The following INPP5E variants were observed in gnomAD, a reference collection of about 807,000 sequenced individuals.
INPP5E encodes the protein phosphatidylinositol polyphosphate 5-phosphatase type IV.
A neutral mutation model predicts 50.5 loss-of-function variants in INPP5E; 34 were observed. The observed-to-expected ratio is 0.67, with a 90% CI of 0.51 to 0.90. The LOEUF is 0.90. Among genes scored for constraint, INPP5E ranks in the 40% least tolerant of loss-of-function variants. The probability of loss-of-function intolerance (pLI) is 0.00; values close to 1 mark genes in which losing one functional copy is unlikely to be tolerated. For missense variants in INPP5E, 942 were observed against 905.5 expected, an observed-to-expected ratio of 1.04 and a Z score of -0.52; for synonymous variants, 447 against 406.0, an observed-to-expected ratio of 1.10 and a Z score of -1.21.
chr9:136,430,409 C>T lies in INPP5E; in HGVS notation c.1670G>A (p.Arg557His), dbSNP rs992814593. The change falls in exon 9 of 10, where the codon CGC becomes CAC. Residue 557 changes from arginine (R) to histidine (H), a missense_variant. Coordinates refer to ENST00000371712, the MANE Select transcript of INPP5E (RefSeq NM_019892.6). ...SKQRTPSYTD[R>H]VLYRSRHKGD... Reference sequence around the variant, plus strand: ...CTTGTGGCGGCTTCTGTACAAGACGCGGTCCTTTGGGAAGATTGCAGAGGC... The same window carrying T: ...CTTGTGGCGGCTTCTGTACAAGACGTGGTCCTTTGGGAAGATTGCAGAGGC... 21 of 1,555,438 alleles carry T rather than the reference C, an allele frequency of 1.4e-5. No individual in the cohort carries two copies. Among genetic ancestry groups the T allele is most frequent in the Non-Finnish European group, 1.7e-5 (20 of 1,148,774 alleles).
rs1332623576 is a variant in INPP5E, at chr9:136,439,375, CG to C, written c.44del (p.Pro15ArgfsTer119). ...AENLRPSEPA[P>X]QPPEGRTLQG... The stretch of plus-strand genomic sequence containing the variant: ...GGAGCGTCCTCCCTTCCGGCGGCTG[CG>C]GGGCCGGCTCGGAGGGCCGCAGATT... On this transcript the variant is annotated frameshift_variant, in exon 1 of 10. Transcript: ENST00000371712. LOFTEE classifies it high-confidence loss of function. 4 of 1,457,668 alleles carry C rather than the reference CG, an allele frequency of 2.7e-6. No individual in the cohort carries two copies. The highest frequency in any genetic ancestry group is 2.7e-6 in the Non-Finnish European group (3 of 1,111,128). The allele number at this position is 1,457,668 out of a possible 1,614,324, so 90.3% of individuals were successfully genotyped here.
intron 6 of INPP5E, 62 bp from the exon 7 acceptor site, chr9:136,432,047 CAG>C (rs1464982980): frequency 6.9e-6 from 11 of 1,600,984 alleles, no homozygotes; most frequent in Non-Finnish European, 8.5e-6. Context: ...TCCCCTTCCC[CAG>C]AACATGGCCT....
chr9:136,438,796 T>G lies in INPP5E; in HGVS notation c.624A>C (p.Thr208=), dbSNP rs374855241. ...SLDIASDSLR[T]ANKVDSDLAD... is the part of the protein sequence containing the mutation. ...CAAGATCCGAGTCGACCTTGTTTGC[T>G]GTCCTCAGGGAGTCGGAGGCGATGT... The change falls in exon 1 of 10, where the codon ACA becomes ACC. Residue 208 remains threonine, a synonymous_variant. Coordinates refer to ENST00000371712, the MANE Select transcript of INPP5E (RefSeq NM_019892.6). 6 of 1,612,080 alleles carry G rather than the reference T, an allele frequency of 3.7e-6. No individual in the cohort carries two copies. Among genetic ancestry groups the G allele is most frequent in the Admixed American group, 1.7e-5 (1 of 59,958 alleles).
At chr9:136,433,739 G>A (rs952995098) in intron 3 of INPP5E, among the ~76,000 whole-genome samples, 1 of 152,234 alleles carries the variant, frequency 6.6e-6, no homozygotes, top group East Asian at 1.9e-4. Flanking sequence ...TAAACTCTCC[G>A]AGTTGCCACT....
intron 2 of INPP5E, 21 bp downstream of exon 2, chr9:136,434,719 G>A: frequency 9.4e-7 from 1 of 1,059,380 alleles, no homozygotes; most frequent in Non-Finnish European, 1.4e-6. Context: ...TCCCCGCCCA[G>A]CACCACCCAC....
chr9:136,434,150 A>T lies in INPP5E; in HGVS notation c.937-16T>A. The T allele has an allele frequency of 6.3e-7, 1 of 1,587,622 alleles. No individual in the cohort carries two copies. Among genetic ancestry groups the T allele is most frequent in the Non-Finnish European group, 8.6e-7 (1 of 1,166,300 alleles). ...GCGGGAGCTCCTGGAAGGAGGGAGC[A>T]TGTGGTGGGCCGGCTCCTCCCGAAA... On this transcript the variant is annotated splice_polypyrimidine_tract_variant and intron_variant, in intron 2 of 9. Transcript: ENST00000371712.
chr9:136,433,691 G>A (rs368086799), intron 3 of INPP5E, among the ~76,000 whole-genome samples: 2 of 152,224 alleles, frequency 1.3e-5, no homozygotes, highest in Non-Finnish European at 2.9e-5. Context: ...ACTCTCGCAC[G>A]CCAACAGTTT....
chr9:136,430,013 G>A (rs780279027), intron 9 of INPP5E, among the ~76,000 whole-genome samples: 1 of 152,206 alleles, frequency 6.6e-6, no homozygotes, highest in Admixed American at 6.5e-5. Flanking sequence ...AGGACAGGGC[G>A]GATGCCTGAG....
At position 136,429,207 on chromosome 9, in the gene INPP5E, G is replaced by C. The variant is rs1026832806; in HGVS notation, c.*468C>G. The C allele has an allele frequency of 7.5e-6, 2 of 265,244 alleles. No homozygotes were observed. The highest frequency in any genetic ancestry group is 1.5e-5 in the Non-Finnish European group (2 of 132,848). 16.4% of individuals were successfully genotyped at this position (265,244 alleles called of 1,614,324 possible). On this transcript the variant is annotated 3_prime_UTR_variant, in exon 10 of 10. Transcript: ENST00000371712. ...CCTAGCCCAGATCCAGCCTTGCTCT[G>C]GATACCCGTGTGACATGGGGTGGTG...
In INPP5E at chr9:136,438,839, G is replaced by T; in HGVS notation, c.581C>A (p.Pro194Gln). 1.2e-6 allele frequency: 2 copies of T among 1,608,330 alleles called. No individual in the cohort carries two copies. Among genetic ancestry groups the T allele is most frequent in the Non-Finnish European group, 1.7e-6 (2 of 1,177,948 alleles). ...GGCGATGTCCAGGCTCAGGGCAGGC[G>T]GTGGGCGCGGGGGCAGCAGGCTGGG... The part of the protein sequence containing the change: ...RLPSLLPPRP[P>Q]PALSLDIASD... Residue 194 changes from proline (P) to glutamine (Q), a missense_variant, in exon 1 of 10, where the codon CCG (proline) becomes CAG (glutamine). Coordinates refer to ENST00000371712, the MANE Select transcript of INPP5E (RefSeq NM_019892.6).
rs1835749630 is a variant in INPP5E, at chr9:136,433,121, T to TTCCAGCCGTGCCCACCCC, written c.1159+33_1159+34insGGGGTGGGCACGGCTGGA. On this transcript the variant is annotated intron_variant, in intron 4 of 9. Transcript: ENST00000371712. ...AGCTCACCTGTGGGACGCTGCCACCTTCCAGCCGCGCCCACCCCTCCAGCC... is the reference window on the plus strand; with the variant it reads ...AGCTCACCTGTGGGACGCTGCCACCTTCCAGCCGTGCCCACCCCTCCAGCCGCGCCCACCCCTCCAGCC... 2.9e-6 allele frequency: 4 copies of TTCCAGCCGTGCCCACCCC among 1,357,716 alleles called. No individual in the cohort carries two copies. In the Admixed American group the frequency reaches 8.3e-5, roughly 28 times the overall value. 84.1% of individuals were successfully genotyped at this position (1,357,716 alleles called of 1,614,324 possible).
intron 2 of INPP5E, 37 bp from the exon 3 acceptor site, chr9:136,434,171 C>T (rs771295679): frequency 1.7e-5 from 25 of 1,479,378 alleles, no homozygotes; most frequent in Non-Finnish European, 2.1e-5. Context: ...CGGCTCCTCC[C>T]GAAACCTGCA....
At chr9:136,433,118 A>AC in intron 4 of INPP5E, 37 bp downstream of exon 4, 8 of 1,329,334 alleles carry the variant, frequency 6.0e-6, no homozygotes, top group Non-Finnish European at 8.2e-6. Context: ...GGACGCTGCC[A>AC]CCTTCCAGCC....
At chr9:136,430,161 A>G (rs1835665562) in intron 9 of INPP5E, 116 bp downstream of exon 9, 2 of 1,329,590 alleles carry the variant, frequency 1.5e-6, no homozygotes, top group Non-Finnish European at 1.0e-6. Context: ...CACAGCCCTG[A>G]AGGTCCCAGA....
rs1026780283 is a variant in INPP5E, at chr9:136,429,415, C to T, written c.*260G>A. ...GGCTGGGGTCCGTGGTGCTGCTGGG[C>T]GGGTCCAAACCCTGCCACCCATGCT... On this transcript the variant is annotated 3_prime_UTR_variant, in exon 10 of 10. Coordinates refer to ENST00000371712, the MANE Select transcript of INPP5E (RefSeq NM_019892.6). 19 of 567,774 alleles carry T rather than the reference C, an allele frequency of 3.3e-5. No individual in the cohort carries two copies. The highest frequency in any genetic ancestry group is 1.3e-4 in the African/African-American group (7 of 53,228). 35.2% of individuals were successfully genotyped at this position (567,774 alleles called of 1,614,324 possible).
At position 136,433,018 on chromosome 9, in the gene INPP5E, G is replaced by A; in HGVS notation, c.1217C>T (p.Ala406Val). 6.2e-7 allele frequency: 1 copy of A among 1,613,672 alleles called. No homozygotes were observed. The highest frequency in any genetic ancestry group is 1.1e-5 in the South Asian group (1 of 91,086). Reference protein sequence around the residue: ...RIVSQIKTKGALGISFTFFGT... With the variant: ...RIVSQIKTKGVLGISFTFFGT... ...AAAAAAGGTGAAGCTGATGCCCAAG[G>A]CCCCCTTGGTCTTGATCTGAGACAC... Residue 406 changes from alanine (A) to valine (V), a missense_variant, in exon 5 of 10, where the codon GCC becomes GTC. Transcript: ENST00000371712.
At chr9:136,432,044 C>T (rs1371521058) in intron 6 of INPP5E, 59 bp from the exon 7 acceptor site, 4 of 1,602,800 alleles carry the variant, frequency 2.5e-6, no homozygotes, top group Middle Eastern at 1.6e-4. Flanking sequence ...CCTTCCCCTT[C>T]CCCAGAACAT....
Position 136,431,038 on chromosome 9 carries a change from G to C in INPP5E, c.1629C>G (p.Tyr543Ter), listed in dbSNP as rs753398503. The C allele has an allele frequency of 2.5e-6, 4 of 1,613,038 alleles. No homozygotes were observed. The highest frequency in any genetic ancestry group is 1.3e-5 in the African/African-American group (1 of 74,750). The change falls in exon 8 of 10, where the codon TAC (tyrosine) becomes TAG (stop). Residue 543 changes from tyrosine (Y) to a stop codon, truncating the protein, a stop_gained. Coordinates refer to ENST00000371712, the MANE Select transcript of INPP5E (RefSeq NM_019892.6). LOFTEE classifies it high-confidence loss of function. Reference protein sequence around the residue: ...SYKFDIGKDTYDSTSKQRTPS... With the variant: ...SYKFDIGKDT ...GCGTCCTCTGCTTGGAGGTGCTGTC[G>C]TACGTGTCCTTCCCGATGTCAAACT...
chr9:136,432,282 C>T (rs898497910), intron 6 of INPP5E, among the ~76,000 whole-genome samples, 197 bp downstream of exon 6: 12 of 152,182 alleles, frequency 7.9e-5, no homozygotes, highest in African/African-American at 2.2e-4. Flanking sequence ...TAGTGGGCCA[C>T]GCCGAGTGGA....
Sources: allele counts gnomAD v4.1 joint callset (sites outside exome capture counted in the v4.1 genomes callset), GRCh38; gene constraint gnomAD v4.1.1; transcripts MANE v1.5; gene names NCBI Gene and HGNC (gene_info 2026-07-23, HGNC 2026-07-21).